Variants in HNRNPC observed in about 807,000 individuals in gnomAD.
HNRNPC encodes heterogeneous nuclear ribonucleoprotein C.
HNRNPC carries 3 observed loss-of-function variants against 33.2 expected under a neutral mutation model. The ratio of observed to expected loss-of-function variants is 0.09; its 90% CI spans 0.04 to 0.23. HNRNPC has a LOEUF of 0.23. HNRNPC is among the 10% of genes least tolerant of loss of function. HNRNPC has a pLI of 1.00. For missense variants in HNRNPC, 143 were observed against 366.7 expected, an observed-to-expected ratio of 0.39 and a Z score of 4.98; for synonymous variants, 121 against 126.7, an observed-to-expected ratio of 0.96 and a Z score of 0.30.
chr14:21,221,316 A>ATC (rs1169045075), intron 5 of HNRNPC, among the ~76,000 whole-genome samples: 1 of 152,200 alleles, frequency 6.6e-6, no homozygotes, highest in Non-Finnish European at 1.5e-5. Flanking sequence ...ACACAACTCT[A>ATC]GACTTATTCT....
intron 5 of HNRNPC, among the ~76,000 whole-genome samples, chr14:21,223,558 G>A (rs1053022849): frequency 6.6e-5 from 10 of 152,048 alleles, no homozygotes; most frequent in African/African-American, 2.4e-4. Context: ...AGATGAGCCT[G>A]GGCAACATGA....
intron 2 of HNRNPC, among the ~76,000 whole-genome samples, chr14:21,262,316 G>C (rs1286601572): frequency 6.6e-6 from 1 of 152,162 alleles, no homozygotes; most frequent in Non-Finnish European, 1.5e-5. Flanking sequence ...TCCCCAATAT[G>C]TTTTCTTGTT....
At chr14:21,233,932 T>C in intron 3 of HNRNPC, 21 bp downstream of exon 3, 2 of 1,609,548 alleles carry the variant, frequency 1.2e-6, no homozygotes, top group Non-Finnish European at 1.7e-6. Flanking sequence ...AATTACATCA[T>C]CAATGAAAAA....
chr14:21,232,942 C>T (rs375027350), intron 3 of HNRNPC, among the ~76,000 whole-genome samples: 18 of 151,970 alleles, frequency 1.2e-4, no homozygotes, highest in African/African-American at 3.6e-4. Context: ...GAGGCTGAAA[C>T]AGGACAATCG....
intron 5 of HNRNPC, among the ~76,000 whole-genome samples, chr14:21,219,122 A>AAAG (rs1555351427): frequency 4.0e-5 from 6 of 150,392 alleles, no homozygotes; most frequent in African/African-American, 1.5e-4. Flanking sequence ...AAAAAAAAAA[A>AAAG]AAGAAGAAAA....
chr14:21,258,317 G>A (rs1437935682), intron 2 of HNRNPC, among the ~76,000 whole-genome samples: 2 of 152,072 alleles, frequency 1.3e-5, no homozygotes, highest in African/African-American at 4.8e-5. Context: ...TTGAACCCAG[G>A]AGGCGGAGGT....
At chr14:21,235,511 C>G (rs1894603630) in intron 2 of HNRNPC, among the ~76,000 whole-genome samples, 1 of 152,192 alleles carries the variant, frequency 6.6e-6, no homozygotes, top group African/African-American at 2.4e-5. Context: ...AACTTCACTT[C>G]CTTCCAAATC....
chr14:21,238,882 TTTGGGAGACTGAGGCA>T (rs1217029427), intron 2 of HNRNPC, among the ~76,000 whole-genome samples: 1 of 152,210 alleles, frequency 6.6e-6, no homozygotes, highest in African/African-American at 2.4e-5. Context: ...ATCCCAGCTC[TTTGGGAGACTGAGGCA>T]GGCAGTTCAC....
chr14:21,227,090 C>CATT (rs1291993643), intron 5 of HNRNPC, among the ~76,000 whole-genome samples: 1 of 151,858 alleles, frequency 6.6e-6, no homozygotes, highest in African/African-American at 2.4e-5. Flanking sequence ...ATATTAATAC[C>CATT]ATTTTTCTAA....
intron 2 of HNRNPC, among the ~76,000 whole-genome samples, chr14:21,243,030 CAGG>C (rs890662027): frequency 7.6e-4 from 116 of 152,154 alleles, no homozygotes; most frequent in African/African-American, 1.6e-3. Flanking sequence ...GAGGCTGAGG[CAGG>C]AGAATTGCTT....
intron 2 of HNRNPC, among the ~76,000 whole-genome samples, chr14:21,241,277 C>T (rs1334730146): frequency 1.5e-5 from 2 of 131,076 alleles, no homozygotes; most frequent in Non-Finnish European, 3.4e-5. Flanking sequence ...AAAAAAAAAA[C>T]CACAACCATA....
Position 21,229,195 on chromosome 14 carries a change from C to T in HNRNPC, c.365+1124G>A, listed in dbSNP as rs536827089. On this transcript the variant is annotated intron_variant, in intron 5 of 8. Transcript: ENST00000553300. ...CATGAGGTCAGGAGATCGAGATCAT[C>T]CTGGCTAACACGATGAAGCCCCGTC... is the stretch of plus-strand genomic sequence containing the variant. 5.3e-4 allele frequency among the ~76,000 whole-genome samples: 81 copies of T among 151,760 alleles called. 1 individual carries two copies. Among genetic ancestry groups the T allele is most frequent in the Middle Eastern group, 3.4e-3 (1 of 294 alleles).
At chr14:21,220,230 T>G (rs989174492) in intron 5 of HNRNPC, among the ~76,000 whole-genome samples, 2 of 146,880 alleles carry the variant, frequency 1.4e-5, no homozygotes, top group African/African-American at 5.0e-5. Context: ...TGAGGCCATC[T>G]ATTTCTGGTT....
Position 21,234,137 on chromosome 14 carries a change from G to A in HNRNPC, c.57C>T (p.Phe19=). 1 of 1,614,078 alleles carries A rather than the reference G, an allele frequency of 6.2e-7. No homozygotes were observed. Among genetic ancestry groups the A allele is most frequent in the Non-Finnish European group, 8.5e-7 (1 of 1,179,966 alleles). ...TDPRSMNSRV[F]IGNLNTLVVK... ...CCACAAGAGTGTTGAGATTCCCAAT[G>A]AATACACGGGAGTTCATGGAGCGAG... The change falls in exon 3 of 9, where the codon TTC becomes TTT. Residue 19 remains phenylalanine, a synonymous_variant. Transcript: ENST00000553300.
intron 2 of HNRNPC, among the ~76,000 whole-genome samples, chr14:21,246,937 T>C (rs1322202816): frequency 2.0e-5 from 3 of 152,224 alleles, no homozygotes; most frequent in African/African-American, 7.2e-5. Flanking sequence ...ACTAGCTCAC[T>C]TTCTTGTAAG....
intron 2 of HNRNPC, among the ~76,000 whole-genome samples, chr14:21,249,298 G>A (rs370542542): frequency 3.9e-5 from 6 of 151,962 alleles, no homozygotes; most frequent in South Asian, 2.1e-4. Context: ...GGGGCTGGGC[G>A]CAGTGGCTCA....
At chr14:21,237,686 C>T (rs1267029249) in intron 2 of HNRNPC, among the ~76,000 whole-genome samples, 2 of 151,970 alleles carry the variant, frequency 1.3e-5, no homozygotes, top group Non-Finnish European at 2.9e-5. Context: ...AAGAACAGTC[C>T]CTCAGTTCTT....
chr14:21,225,695 C>T (rs1301027452), intron 5 of HNRNPC, among the ~76,000 whole-genome samples: 1 of 152,064 alleles, frequency 6.6e-6, no homozygotes, highest in African/African-American at 2.4e-5. Flanking sequence ...GTCCATAAGA[C>T]AGTGATGTAT....
At chr14:21,242,019 T>C (rs1444485402) in intron 2 of HNRNPC, among the ~76,000 whole-genome samples, 2 of 152,136 alleles carry the variant, frequency 1.3e-5, no homozygotes, top group Non-Finnish European at 2.9e-5. Flanking sequence ...TTTTCAAAAA[T>C]TGGAACCAAC....
Sources: allele counts gnomAD v4.1 joint callset (sites outside exome capture counted in the v4.1 genomes callset), GRCh38; gene constraint gnomAD v4.1.1; transcripts MANE v1.5; gene names NCBI Gene and HGNC (gene_info 2026-07-23, HGNC 2026-07-21).